Variants in AGBL1 observed in about 807,000 individuals in gnomAD.
AGBL1 encodes the protein AGBL carboxypeptidase 1.
AGBL1 carries 130 observed loss-of-function variants against 118.9 expected under a neutral mutation model. The observed-to-expected ratio is 1.09, with a 90% confidence interval of 0.95 to 1.26. The LOEUF is 1.26. Among genes scored for constraint, AGBL1 ranks in the 50% most tolerant of loss-of-function variants. The pLI, the probability that AGBL1 is intolerant of heterozygous loss-of-function variation, is 0.00. For synonymous variants in AGBL1, 555 were observed against 478.9 expected (o/e 1.16, Z -2.08); for missense variants, 1,584 against 1,298.1 (o/e 1.22, Z -3.38).
chr15:86,774,582 G>A (rs28540307), intron 22 of AGBL1, among the ~76,000 whole-genome samples: 12,949 of 148,848 alleles, frequency 0.087, 632 homozygotes, highest in South Asian at 0.13. Context: ...ACTGCAACAG[G>A]TAGCTCTCAG....
chr15:86,644,930 A>G (rs2085253076), intron 21 of AGBL1, among the ~76,000 whole-genome samples: 1 of 151,260 alleles, frequency 6.6e-6, no homozygotes, highest in Non-Finnish European at 1.5e-5. Context: ...CTGAGGCAGG[A>G]GAATTGCTTA....
At chr15:86,704,441 GA>G (rs1043854738) in intron 22 of AGBL1, among the ~76,000 whole-genome samples, 1 of 151,966 alleles carries the variant, frequency 6.6e-6, no homozygotes, top group African/African-American at 2.4e-5. Flanking sequence ...ACATTTACAA[GA>G]AAAAAATAAA....
intron 18 of AGBL1, among the ~76,000 whole-genome samples, chr15:86,507,613 G>T (rs1385506377): frequency 6.6e-6 from 1 of 152,100 alleles, no homozygotes; most frequent in East Asian, 1.9e-4. Context: ...AGGGTAATGA[G>T]CAGGTGAAAG....
intron 18 of AGBL1, among the ~76,000 whole-genome samples, chr15:86,490,927 T>C (rs897674927): frequency 1.3e-5 from 2 of 152,176 alleles, no homozygotes; most frequent in African/African-American, 4.8e-5. Flanking sequence ...TAGATGATGA[T>C]TGTATCACCA....
chr15:86,271,812 G>C lies in AGBL1; in HGVS notation c.2075+106G>C, dbSNP rs1029475269. 1.9e-5 allele frequency: 22 copies of C among 1,128,310 alleles called. No homozygotes were observed. In the East Asian group the frequency reaches 5.3e-4, roughly 27 times the overall value. The allele number at this position is 1,128,310 out of a possible 1,614,324, so 69.9% of individuals were successfully genotyped here. A position where few individuals can be genotyped will look rare whatever the true frequency, so the allele number is the denominator to read the frequency against. On this transcript the variant is annotated intron_variant, in intron 15 of 22. Coordinates refer to ENST00000614907, the MANE Select transcript of AGBL1 (RefSeq NM_001386094.1). ...AAACATCAGCAATCTGTGCTTGTCT[G>C]CTAAACTTTTTGTCACTCTGTCCTA...
chr15:86,929,555 G>A (rs902473659), intron 23 of AGBL1, among the ~76,000 whole-genome samples: 16 of 152,084 alleles, frequency 1.1e-4, no homozygotes, highest in Middle Eastern at 3.4e-3. Flanking sequence ...TAATACTAAT[G>A]CTCTGGAATG....
intron 5 of AGBL1, among the ~76,000 whole-genome samples, chr15:86,190,830 C>T (rs1341087724): frequency 1.3e-5 from 2 of 152,092 alleles, no homozygotes; most frequent in Non-Finnish European, 2.9e-5. Context: ...AATGTAGGGG[C>T]AAAACCCCTC....
intron 22 of AGBL1, among the ~76,000 whole-genome samples, chr15:86,677,421 A>G (rs1028417053): frequency 2.6e-5 from 4 of 151,922 alleles, no homozygotes; most frequent in Admixed American, 2.6e-4. Flanking sequence ...CTTCCTCTCA[A>G]TCTTATCCCT....
At chr15:86,296,536 TTCCC>T (rs2079645597) in intron 17 of AGBL1, 1 of 152,236 alleles carries the variant, frequency 6.6e-6, no homozygotes, top group Non-Finnish European at 1.5e-5. Flanking sequence ...AGATACAGCC[TTCCC>T]TGATGAAGTG....
chr15:86,653,121 G>A (rs2085403669), intron 21 of AGBL1, among the ~76,000 whole-genome samples: 1 of 151,926 alleles, frequency 6.6e-6, no homozygotes, highest in African/African-American at 2.4e-5. Flanking sequence ...GGATATTGCC[G>A]AGTAGCCTTC....
chr15:86,482,795 AT>A (rs1319352817), intron 18 of AGBL1, among the ~76,000 whole-genome samples: 4 of 152,038 alleles, frequency 2.6e-5, no homozygotes, highest in African/African-American at 9.6e-5. Context: ...TTTTTCAATC[AT>A]TTTGCTTTAC....
At chr15:86,479,678 G>A (rs537531068) in intron 18 of AGBL1, among the ~76,000 whole-genome samples, 4 of 152,274 alleles carry the variant, frequency 2.6e-5, no homozygotes, top group Non-Finnish European at 4.4e-5. Flanking sequence ...ACAGTGTGGC[G>A]ATTCTTCAAG....
At chr15:86,933,160 G>T (rs1311495097) in intron 23 of AGBL1, among the ~76,000 whole-genome samples, 2 of 152,172 alleles carry the variant, frequency 1.3e-5, no homozygotes, top group Non-Finnish European at 2.9e-5. Context: ...CAAAGATTAT[G>T]GAAGTGAGAG....
At position 86,845,629 on chromosome 15, in the gene AGBL1, A is replaced by G. The variant is rs147173222; in HGVS notation, c.3159-61458A>G. Among the ~76,000 whole-genome samples, 814 of 152,318 alleles carry G rather than the reference A, an allele frequency of 5.3e-3. 6 individuals carry two copies. The highest frequency in any genetic ancestry group is 0.017 in the African/African-American group (694 of 41,574). On this transcript the variant is annotated intron_variant, in intron 22 of 22. Coordinates refer to ENST00000614907, the MANE Select transcript of AGBL1 (RefSeq NM_001386094.1). ...GAGAAATGTATTCTCCATCTCAATT[A>G]TCTGAAAGAGTTGGTGAAAGATTAG...
At chr15:86,448,356 C>T (rs2082151830) in intron 18 of AGBL1, among the ~76,000 whole-genome samples, 1 of 152,082 alleles carries the variant, frequency 6.6e-6, no homozygotes, top group Non-Finnish European at 1.5e-5. Context: ...GAAGATAAGA[C>T]GTCGATTATC....
chr15:86,987,672 G>A (rs1270832470), intron 23 of AGBL1, among the ~76,000 whole-genome samples: 1 of 152,056 alleles, frequency 6.6e-6, no homozygotes, highest in South Asian at 2.1e-4. Flanking sequence ...CGCATCTAAT[G>A]ATATAATCGT....
chr15:86,405,487 A>G (rs2081511877), intron 18 of AGBL1, among the ~76,000 whole-genome samples: 1 of 152,112 alleles, frequency 6.6e-6, no homozygotes, highest in African/African-American at 2.4e-5. Flanking sequence ...AGCCTGGGCA[A>G]CAGAGTGAGA....
intron 1 of AGBL1, among the ~76,000 whole-genome samples, chr15:86,120,302 A>G (rs898970442): frequency 1.3e-5 from 2 of 151,894 alleles, no homozygotes; most frequent in African/African-American, 2.4e-5. Context: ...TCTTTGCAAC[A>G]CTCTCCTTGC....
chr15:86,674,397 T>C lies in AGBL1; in HGVS notation c.3119T>C (p.Leu1040Pro). 3.7e-6 allele frequency: 6 copies of C among 1,613,296 alleles called. No homozygotes were observed. The highest frequency in any genetic ancestry group is 5.1e-6 in the Non-Finnish European group (6 of 1,179,620). The change falls in exon 22 of 23, where the codon CTG (leucine) becomes CCG (proline). Residue 1040 changes from leucine (L) to proline (P), a missense_variant. Coordinates refer to ENST00000614907, the MANE Select transcript of AGBL1 (RefSeq NM_001386094.1). ...CTCCTGGCTCAAGCTGCAACTCTGC[T>C]GAGTGCTGAGGAGGACGCTCTGGAC... is the stretch of plus-strand genomic sequence containing the variant. ...HQLLAQAATL[L>P]SAEEDALDQH...
Sources: allele counts gnomAD v4.1 joint callset (sites outside exome capture counted in the v4.1 genomes callset), GRCh38; gene constraint gnomAD v4.1.1; transcripts MANE v1.5; gene names NCBI Gene and HGNC (gene_info 2026-07-23, HGNC 2026-07-21).